CDH1: variants seen among roughly 807,000 people sequenced by gnomAD.
CDH1 encodes the protein cadherin-1.
A neutral mutation model predicts 84.5 loss-of-function variants in CDH1; 35 were observed. That is an observed-to-expected ratio of 0.41 (90% CI 0.32 to 0.55). CDH1 has a LOEUF of 0.55. Among genes scored for constraint, CDH1 ranks in the 20% least tolerant of loss-of-function variants. CDH1 has a pLI of 0.19. For synonymous variants in CDH1, 417 were observed against 439.0 expected (o/e 0.95, Z 0.63); for missense variants, 994 against 1,126.6 (o/e 0.88, Z 1.68).
chr16:68,760,598 A>T (rs1963141614), intron 2 of CDH1, among the ~76,000 whole-genome samples: 1 of 152,030 alleles, frequency 6.6e-6, no homozygotes, highest in South Asian at 2.1e-4. Flanking sequence ...TGTCTTTATT[A>T]ATAATATCAC....
At chr16:68,770,398 A>G (rs1959533779) in intron 2 of CDH1, among the ~76,000 whole-genome samples, 1 of 152,082 alleles carries the variant, frequency 6.6e-6, no homozygotes, top group Non-Finnish European at 1.5e-5. Flanking sequence ...CGCAGCACAT[A>G]GAGGGCCCTT....
intron 2 of CDH1, among the ~76,000 whole-genome samples, chr16:68,764,823 CA>C (rs1959321758): frequency 6.6e-6 from 1 of 152,198 alleles, no homozygotes; most frequent in East Asian, 1.9e-4. Context: ...ACCCATCATT[CA>C]CTCTTCCATT....
At position 68,813,607 on chromosome 16, in the gene CDH1, A is replaced by T. The variant is rs768747167; in HGVS notation, c.1320+112A>T. On this transcript the variant is annotated intron_variant, in intron 9 of 15. Coordinates refer to ENST00000261769, the MANE Select transcript of CDH1 (RefSeq NM_004360.5). ...TTCGCTTTGGCAGGGGGACAGGGTG[A>T]CTTTCCCAGATTGTAGTGGACCATG... The T allele has an allele frequency of 1.7e-5, 18 of 1,048,388 alleles. No homozygotes were observed. In the East Asian group the frequency reaches 4.0e-4, roughly 23 times the overall value. The allele number at this position is 1,048,388 out of a possible 1,614,324, so 64.9% of individuals were successfully genotyped here.
At chr16:68,818,545 T>C (rs1466245558) in intron 10 of CDH1, among the ~76,000 whole-genome samples, 3 of 149,628 alleles carry the variant, frequency 2.0e-5, no homozygotes, top group Non-Finnish European at 4.4e-5. Flanking sequence ...TTTTTTTTTT[T>C]TTTTTTTAAA....
At chr16:68,806,662 G>A (rs1960669912) in intron 3 of CDH1, among the ~76,000 whole-genome samples, 1 of 152,166 alleles carries the variant, frequency 6.6e-6, no homozygotes, top group South Asian at 2.1e-4. Context: ...ATATGAGATA[G>A]GTTCTAATAT....
chr16:68,832,544 G>A (rs183940656), intron 15 of CDH1, among the ~76,000 whole-genome samples: 3 of 152,114 alleles, frequency 2.0e-5, no homozygotes, highest in African/African-American at 7.2e-5. Flanking sequence ...AAAAGGCCGG[G>A]TGCAGTGGCT....
intron 2 of CDH1, among the ~76,000 whole-genome samples, chr16:68,757,524 C>T (rs1869301989): frequency 6.6e-6 from 1 of 152,128 alleles, no homozygotes; most frequent in Admixed American, 6.6e-5. Flanking sequence ...GCTGTTGAAC[C>T]TAGGAAACCA....
In CDH1 at chr16:68,808,417, C is replaced by T. The variant is rs201402744; in HGVS notation, c.388-7C>T. The T allele has an allele frequency of 6.2e-7, 1 of 1,614,134 alleles. No homozygotes were observed. Among genetic ancestry groups the T allele is most frequent in the Non-Finnish European group, 8.5e-7 (1 of 1,179,998 alleles). On this transcript the variant is annotated splice_polypyrimidine_tract_variant and splice_region_variant and intron_variant, in intron 3 of 15. Transcript: ENST00000261769. ...CTTATCTTGTTCCTCATCTTCTTTC[C>T]TTTTAGGCCTCCGTTTCTGGAATCC...
chr16:68,805,155 ACTTTT>A (rs1447844294), intron 3 of CDH1, among the ~76,000 whole-genome samples: 1 of 150,508 alleles, frequency 6.6e-6, no homozygotes, highest in Non-Finnish European at 1.5e-5. Context: ...TTTTCTTTTT[ACTTTT>A]CTTTTCTTCT....
chr16:68,794,345 C>T (rs1960297240), intron 2 of CDH1, among the ~76,000 whole-genome samples: 1 of 151,956 alleles, frequency 6.6e-6, no homozygotes, highest in African/African-American at 2.4e-5. Context: ...TGGCCGTGTC[C>T]ATTAGCTCTT....
intron 13 of CDH1, among the ~76,000 whole-genome samples, chr16:68,826,737 C>G (rs1269914745): frequency 6.6e-6 from 1 of 152,292 alleles, no homozygotes; most frequent in South Asian, 2.1e-4. Context: ...TAAGAGGGGT[C>G]ATTTTGGAAA....
rs931902126 is a variant in CDH1 at position 68,835,327 on chromosome 16, C to A, written c.*1828C>A. On this transcript the variant is annotated 3_prime_UTR_variant, in exon 16 of 16. Coordinates refer to ENST00000261769, the MANE Select transcript of CDH1 (RefSeq NM_004360.5). ...TGGAGAAAAAAATCAACCCTGCAAT[C>A]ACTTTTTGGAATTGTCTTGATTTTT... 4.5e-6 allele frequency: 1 copy of A among 224,286 alleles called. No individual in the cohort carries two copies. Among genetic ancestry groups the A allele is most frequent in the African/African-American group, 2.2e-5 (1 of 44,796 alleles). 13.9% of individuals were successfully genotyped at this position (224,286 alleles called of 1,614,324 possible). A position where few individuals can be genotyped will look rare whatever the true frequency, so the allele number is the denominator to read the frequency against.
At chr16:68,757,856 A>G (rs1340693256) in intron 2 of CDH1, among the ~76,000 whole-genome samples, 2 of 149,638 alleles carry the variant, frequency 1.3e-5, no homozygotes, top group African/African-American at 4.9e-5. Context: ...GGAGTGGTAC[A>G]ATTTTGGCTC....
chr16:68,800,033 TAAAAA>T (rs34387170), intron 2 of CDH1, among the ~76,000 whole-genome samples: 1 of 129,384 alleles, frequency 7.7e-6, no homozygotes, highest in Non-Finnish European at 1.7e-5. Context: ...TAATAATAAT[TAAAAA>T]AAAAAAAAAA....
At chr16:68,787,583 A>T (rs1277961547) in intron 2 of CDH1, among the ~76,000 whole-genome samples, 3 of 151,320 alleles carry the variant, frequency 2.0e-5, no homozygotes, top group African/African-American at 7.3e-5. Context: ...GCCTCAAGTG[A>T]TCCTCCCACC....
intron 13 of CDH1, among the ~76,000 whole-genome samples, chr16:68,825,633 G>A (rs1961300712): frequency 1.3e-5 from 2 of 152,028 alleles, no homozygotes; most frequent in Admixed American, 1.3e-4. Context: ...CTTTCATCCT[G>A]CCAGGCTTTA....
At chr16:68,783,694 T>G (rs1186697939) in intron 2 of CDH1, among the ~76,000 whole-genome samples, 2 of 152,148 alleles carry the variant, frequency 1.3e-5, no homozygotes, top group African/African-American at 2.4e-5. Flanking sequence ...TTATTTTTTT[T>G]GAGATAGAGT....
intron 2 of CDH1, among the ~76,000 whole-genome samples, chr16:68,799,543 TTTCCTATAATCAGCC>T (rs1960443338): frequency 6.6e-6 from 1 of 152,042 alleles, no homozygotes; most frequent in South Asian, 2.1e-4. Flanking sequence ...TTTCCTATAA[TTTCCTATAATCAGCC>T]CAGGGGATCA....
intron 10 of CDH1, among the ~76,000 whole-genome samples, chr16:68,816,057 G>A (rs527326868): frequency 4.6e-5 from 7 of 152,120 alleles, no homozygotes; most frequent in South Asian, 2.1e-4. Context: ...TCACTTTGTC[G>A]CCCAGGCTAG....
Sources: gnomAD v4.1 joint callset for allele counts (sites outside exome capture counted in the v4.1 genomes callset) on GRCh38, gnomAD v4.1.1 for gene constraint, MANE v1.5 for transcripts, NCBI Gene and HGNC (gene_info 2026-07-23, HGNC 2026-07-21) for gene names.